Variants in FER observed in about 807,000 individuals in gnomAD.
FER encodes the protein tyrosine-protein kinase Fer.
In FER, 63 loss-of-function variants were observed where a neutral mutation model predicts 111.0. That is an observed-to-expected ratio of 0.57 (90% CI 0.46 to 0.70). The LOEUF is 0.70. Among genes scored for constraint, FER ranks in the 30% least tolerant of loss-of-function variants. The pLI, the probability that FER is intolerant of heterozygous loss-of-function variation, is 0.00. For missense variants in FER, 914 were observed against 954.0 expected (o/e 0.96, Z 0.55); for synonymous variants, 327 against 313.9 (o/e 1.04, Z -0.44).
At chr5:108,885,739 A>G (rs1747033251) in intron 9 of FER, among the ~76,000 whole-genome samples, 1 of 151,776 alleles carries the variant, frequency 6.6e-6, no homozygotes, top group South Asian at 2.1e-4. Flanking sequence ...AGGAGTTTTC[A>G]ACATCTGAAT....
chr5:109,118,190 A>G (rs1750505830), intron 17 of FER, among the ~76,000 whole-genome samples: 1 of 152,120 alleles, frequency 6.6e-6, no homozygotes, highest in Admixed American at 6.5e-5. Flanking sequence ...ATCAATACCT[A>G]ATTCATTGAG....
rs192253724 is a variant in FER, at chr5:108,765,303, A to G, written c.-205-2790A>G. On this transcript the variant is annotated intron_variant, in intron 1 of 19. Transcript: ENST00000281092. ...AAAAAAAGTTGTTACTTTTAACCCA[A>G]ATCTTTTCAATATCAAAGAAAAATG... Among the ~76,000 whole-genome samples, 156 of 152,332 alleles carry G rather than the reference A, an allele frequency of 1.0e-3. 1 individual carries two copies. Among genetic ancestry groups the G allele is most frequent in the African/African-American group, 3.5e-3 (146 of 41,574 alleles).
intron 3 of FER, among the ~76,000 whole-genome samples, chr5:108,800,723 G>A (rs1423584233): frequency 6.6e-6 from 1 of 152,184 alleles, no homozygotes; most frequent in African/African-American, 2.4e-5. Context: ...TTTAAAAAGA[G>A]GATTGTGCTT....
At chr5:108,926,681 A>G (rs191326790) in intron 10 of FER, among the ~76,000 whole-genome samples, 153 of 152,318 alleles carry the variant, frequency 1.0e-3, no homozygotes, top group Admixed American at 2.2e-3. Flanking sequence ...AGTACTTTTC[A>G]TTGTCAGTCT....
chr5:109,178,164 A>T (rs1476340522), intron 17 of FER, among the ~76,000 whole-genome samples: 1 of 152,246 alleles, frequency 6.6e-6, no homozygotes, highest in Admixed American at 6.5e-5. Context: ...CAAACTGAGT[A>T]TGCAGTGCCT....
intron 16 of FER, among the ~76,000 whole-genome samples, chr5:109,090,249 GC>G (rs925135116): frequency 2.6e-5 from 4 of 152,184 alleles, no homozygotes; most frequent in Non-Finnish European, 4.4e-5. Flanking sequence ...AAAGACAACT[GC>G]AAACTTCTCT....
chr5:108,864,300 A>T (rs1763815856), intron 5 of FER, among the ~76,000 whole-genome samples: 1 of 152,150 alleles, frequency 6.6e-6, no homozygotes, highest in South Asian at 2.1e-4. Context: ...TACGATGTGG[A>T]TGTAGTTCCT....
At chr5:109,113,639 G>C (rs1008881373) in intron 17 of FER, among the ~76,000 whole-genome samples, 2 of 152,158 alleles carry the variant, frequency 1.3e-5, no homozygotes, top group Non-Finnish European at 2.9e-5. Flanking sequence ...GGAACCTCTT[G>C]AAGGGTGGAA....
chr5:108,801,170 T>A (rs1373551662), intron 3 of FER, among the ~76,000 whole-genome samples: 1 of 152,248 alleles, frequency 6.6e-6, no homozygotes, highest in Non-Finnish European at 1.5e-5. Flanking sequence ...TTTTTGTACA[T>A]GTGGCAAGCT....
In FER at chr5:109,169,429, C is replaced by T. The variant is rs184708144; in HGVS notation, c.2049-11318C>T. 2.0e-3 allele frequency among the ~76,000 whole-genome samples: 308 copies of T among 152,118 alleles called. 2 individuals carry two copies. Among genetic ancestry groups the T allele is most frequent in the Non-Finnish European group, 3.6e-3 (246 of 67,996 alleles). ...GACTCTATTTCAGTTTTCTACACTG[C>T]GAGCAATCATAGGACTGAAGGGAAA... On this transcript the variant is annotated intron_variant, in intron 17 of 19. Transcript: ENST00000281092.
intron 16 of FER, among the ~76,000 whole-genome samples, chr5:109,059,385 G>A (rs1448112897): frequency 6.6e-6 from 1 of 151,934 alleles, no homozygotes; most frequent in Non-Finnish European, 1.5e-5. Context: ...AAAATTAGCT[G>A]GGTGTGGTGG....
At chr5:108,876,368 C>A (rs1421779674) in intron 8 of FER, among the ~76,000 whole-genome samples, 1 of 152,198 alleles carries the variant, frequency 6.6e-6, no homozygotes, top group Non-Finnish European at 1.5e-5. Flanking sequence ...CAGAGCCAAG[C>A]AGTTGTGACA....
intron 13 of FER, among the ~76,000 whole-genome samples, chr5:109,012,613 C>T (rs150824739): frequency 5.9e-5 from 9 of 152,266 alleles, no homozygotes; most frequent in Non-Finnish European, 1.0e-4. Context: ...GGTATCATTG[C>T]GATGGCACTA....
intron 5 of FER, among the ~76,000 whole-genome samples, chr5:108,866,657 A>T (rs562903196): frequency 6.6e-6 from 1 of 152,258 alleles, no homozygotes; most frequent in South Asian, 2.1e-4. Context: ...TACAAGTTAC[A>T]AAAGAATGCA....
At chr5:108,914,485 T>C (rs1751996176) in intron 10 of FER, among the ~76,000 whole-genome samples, 1 of 152,248 alleles carries the variant, frequency 6.6e-6, no homozygotes, top group African/African-American at 2.4e-5. Context: ...TGTTGTATTC[T>C]TCAGATCTCT....
intron 17 of FER, among the ~76,000 whole-genome samples, chr5:109,111,279 T>C (rs761417560): frequency 6.6e-6 from 1 of 152,138 alleles, no homozygotes; most frequent in African/African-American, 2.4e-5. Context: ...TTGTTGCTAG[T>C]TAACAAAAAC....
chr5:108,782,287 ATT>A (rs112226373), intron 2 of FER, among the ~76,000 whole-genome samples: 30 of 145,058 alleles, frequency 2.1e-4, no homozygotes, highest in Admixed American at 3.5e-4. Context: ...ACTTCCAAGT[ATT>A]TTTTTTTTTT....
At chr5:108,956,054 A>G (rs140177965) in intron 12 of FER, among the ~76,000 whole-genome samples, 7 of 151,868 alleles carry the variant, frequency 4.6e-5, no homozygotes, top group Non-Finnish European at 1.0e-4. Context: ...TAATGTTCAC[A>G]CTATTCGTTA....
chr5:108,927,285 G>C (rs953783658), intron 10 of FER, among the ~76,000 whole-genome samples: 25 of 64,958 alleles, frequency 3.8e-4, no homozygotes, highest in African/African-American at 2.4e-3. Flanking sequence ...ACGGAGTCTC[G>C]CTCTGTCGCC....
Sources: gnomAD v4.1 joint callset for allele counts (sites outside exome capture counted in the v4.1 genomes callset) on GRCh38, gnomAD v4.1.1 for gene constraint, MANE v1.5 for transcripts, NCBI Gene and HGNC (gene_info 2026-07-23, HGNC 2026-07-21) for gene names.